CDRT4: variants seen among roughly 807,000 people sequenced by gnomAD.
CDRT4 encodes the protein CMT1A duplicated region transcript 4 protein.
For missense variants in CDRT4, 167 were observed against 193.1 expected (o/e 0.87, Z 0.80); for synonymous variants, 64 against 69.6 (o/e 0.92, Z 0.40).
chr17:15,448,093 T>C (rs1395900189), intron 2 of CDRT4, among the ~76,000 whole-genome samples: 2 of 152,196 alleles, frequency 1.3e-5, no homozygotes, highest in Non-Finnish European at 2.9e-5. Flanking sequence ...ATTGTGAACC[T>C]GGAGAACACT....
intron 1 of CDRT4, among the ~76,000 whole-genome samples, chr17:15,466,796 C>T (rs950819366): frequency 1.3e-5 from 2 of 152,058 alleles, no homozygotes; most frequent in East Asian, 1.9e-4. Context: ...CTTGAGTTCT[C>T]GGCCTCAAAC....
Position 15,436,762 on chromosome 17 carries a change from T to C in CDRT4, c.*1011A>G, listed in dbSNP as rs963481690. Reference sequence around the variant, plus strand: ...AAGGGAAAAACCTCTCAATACCAGGTCCAGGAGCAGCTGGATGGGATCACT... The same window carrying C: ...AAGGGAAAAACCTCTCAATACCAGGCCCAGGAGCAGCTGGATGGGATCACT... On this transcript the variant is annotated 3_prime_UTR_variant, in exon 4 of 4. Transcript: ENST00000619038. 2.0e-5 allele frequency: 3 copies of C among 152,158 alleles called. No individual in the cohort carries two copies. Among genetic ancestry groups the C allele is most frequent in the Non-Finnish European group, 4.4e-5 (3 of 68,066 alleles). The allele number at this position is 152,158 out of a possible 1,614,324, so 9.4% of individuals were successfully genotyped here. A position where few individuals can be genotyped will look rare whatever the true frequency, so the allele number is the denominator to read the frequency against.
At chr17:15,445,679 C>T (rs1429698801) in intron 2 of CDRT4, among the ~76,000 whole-genome samples, 1 of 152,164 alleles carries the variant, frequency 6.6e-6, no homozygotes, top group Admixed American at 6.5e-5. Flanking sequence ...AATGAATCAC[C>T]TTCCCTGAAA....
At chr17:15,439,966 C>T (rs889987506) in intron 3 of CDRT4, among the ~76,000 whole-genome samples, 2 of 152,166 alleles carry the variant, frequency 1.3e-5, no homozygotes, top group South Asian at 4.2e-4. Context: ...GGAGGGATAG[C>T]ATTAGGAGAT....
chr17:15,457,855 G>T (rs1979558390), intron 1 of CDRT4, among the ~76,000 whole-genome samples: 1 of 152,184 alleles, frequency 6.6e-6, no homozygotes, highest in African/African-American at 2.4e-5. Flanking sequence ...CTCTCCCAGG[G>T]AAACATGGGC....
In CDRT4 at chr17:15,450,659, C is replaced by G. The variant is rs1436202025; in HGVS notation, c.-48+2345G>C. Among the ~76,000 whole-genome samples the G allele has an allele frequency of 6.6e-6, 1 of 151,894 alleles. No homozygotes were observed. The highest frequency in any genetic ancestry group is 1.5e-5 in the Non-Finnish European group (1 of 68,008). On this transcript the variant is annotated intron_variant, in intron 2 of 3. Transcript: ENST00000619038. This position sits in a 1 kb window ranked among gnomAD's most constrained non-coding sequence, Gnocchi z 4.2. ...CATCTCATCAATTTGCCACATCTAACTAGACTGACTTCTTTCCCAAAGTCC... is the reference window on the plus strand; with the variant it reads ...CATCTCATCAATTTGCCACATCTAAGTAGACTGACTTCTTTCCCAAAGTCC...
intron 1 of CDRT4, among the ~76,000 whole-genome samples, chr17:15,465,589 A>G (rs1430969480): frequency 6.6e-6 from 1 of 151,802 alleles, no homozygotes; most frequent in Non-Finnish European, 1.5e-5. Context: ...CACACACACC[A>G]ACACACAGAC....
At chr17:15,460,939 C>CTG (rs1979719919) in intron 1 of CDRT4, among the ~76,000 whole-genome samples, 1 of 151,306 alleles carries the variant, frequency 6.6e-6, no homozygotes, top group African/African-American at 2.4e-5. Flanking sequence ...TCCTCAAACT[C>CTG]ACCAAACTCC....
intron 1 of CDRT4, among the ~76,000 whole-genome samples, chr17:15,456,705 C>A (rs1438018055): frequency 2.0e-5 from 3 of 152,114 alleles, no homozygotes; most frequent in African/African-American, 7.2e-5. Context: ...TGTTCTGATT[C>A]AGAGGCTGAC....
At chr17:15,444,714 CAGAGAG>C (rs59581257) in intron 2 of CDRT4, among the ~76,000 whole-genome samples, 76 of 135,896 alleles carry the variant, frequency 5.6e-4, no homozygotes, top group South Asian at 1.9e-3. Context: ...TAGCCAAGCG[CAGAGAG>C]AGAGAGAGAG....
intron 3 of CDRT4, among the ~76,000 whole-genome samples, chr17:15,439,774 T>C (rs1272370766): frequency 3.9e-5 from 6 of 152,014 alleles, no homozygotes; most frequent in Admixed American, 2.0e-4. Context: ...AAATGATGAG[T>C]TCATGTCCTT....
At chr17:15,465,381 TAACA>T (rs1437116816) in intron 1 of CDRT4, among the ~76,000 whole-genome samples, 1 of 99,250 alleles carries the variant, frequency 1.0e-5, no homozygotes, top group Non-Finnish European at 2.1e-5. Context: ...CAGACACACA[TAACA>T]CACACACCAA....
rs1276681458 is a variant in CDRT4, at chr17:15,440,224, C to T, written c.15G>A (p.Arg5=). The T allele has an allele frequency of 4.3e-6, 7 of 1,613,882 alleles. No individual in the cohort carries two copies. The highest frequency in any genetic ancestry group is 5.9e-6 in the Non-Finnish European group (7 of 1,180,006). MDAR[R]MKKEEGLTEN... ...CAACCCTACCTTCTTCTTTCTTCAT[C>T]CTTCTTGCATCCATCTTCTTTTTAA... Residue 5 remains arginine (R), a synonymous_variant, in exon 3 of 4, where the codon AGG becomes AGA. Coordinates refer to ENST00000619038, the MANE Select transcript of CDRT4 (RefSeq NM_001204477.2).
In CDRT4 at chr17:15,447,949, C is replaced by T. The variant is rs115523608; in HGVS notation, c.-48+5055G>A. ...TATTCAGGAAAGCAAACATGAAAGG[C>T]TTTAAGCAATTTGTGCTCAGAGACC... On this transcript the variant is annotated intron_variant, in intron 2 of 3. Coordinates refer to ENST00000619038, the MANE Select transcript of CDRT4 (RefSeq NM_001204477.2). Among the ~76,000 whole-genome samples, 859 of 152,302 alleles carry T rather than the reference C, an allele frequency of 5.6e-3. 5 individuals carry two copies. The highest frequency in any genetic ancestry group is 0.02 in the African/African-American group (823 of 41,566).
At chr17:15,467,328 G>A (rs1357561252) in intron 1 of CDRT4, 132 bp downstream of exon 1, 1 of 152,166 alleles carries the variant, frequency 6.6e-6, no homozygotes, top group Non-Finnish European at 1.5e-5. Context: ...GGGACTCTGG[G>A]GACCCTTTAA....
intron 1 of CDRT4, among the ~76,000 whole-genome samples, chr17:15,459,704 C>G (rs769997157): frequency 1.1e-4 from 16 of 152,074 alleles, no homozygotes; most frequent in Non-Finnish European, 2.1e-4. Flanking sequence ...CCTCGGCCTC[C>G]CAAAGTGCTG....
chr17:15,460,176 C>T (rs1268465820), intron 1 of CDRT4, among the ~76,000 whole-genome samples: 2 of 152,154 alleles, frequency 1.3e-5, no homozygotes, highest in Non-Finnish European at 2.9e-5. Context: ...GCTCCTGACA[C>T]CTCTCTCTCC....
At chr17:15,461,770 T>C (rs1450768178) in intron 1 of CDRT4, among the ~76,000 whole-genome samples, 1 of 152,144 alleles carries the variant, frequency 6.6e-6, no homozygotes, top group African/African-American at 2.4e-5. Flanking sequence ...ATAGGCTATA[T>C]ATAAATATAG....
chr17:15,445,402 T>C (rs370953517), intron 2 of CDRT4, among the ~76,000 whole-genome samples: 1 of 152,320 alleles, frequency 6.6e-6, no homozygotes, highest in South Asian at 2.1e-4. Flanking sequence ...AAAAATTCCT[T>C]TGGAGCAGGA....
Sources: allele counts gnomAD v4.1 joint callset (sites outside exome capture counted in the v4.1 genomes callset), GRCh38; gene constraint gnomAD v4.1.1; non-coding constraint Gnocchi (gnomAD v3.1); transcripts MANE v1.5; gene names NCBI Gene and HGNC (gene_info 2026-07-23, HGNC 2026-07-21).